Variants in CELF4 observed in about 807,000 individuals in gnomAD.
CELF4 encodes the protein CUG-BP- and ETR-3-like factor 4.
Under a neutral mutation model 59.9 loss-of-function variants are expected in CELF4, and 18 were observed. That is an observed-to-expected ratio of 0.30 (90% confidence interval 0.21 to 0.45). The LOEUF is 0.45. CELF4 is among the 20% of genes least tolerant of loss of function. The pLI, the probability that CELF4 is intolerant of heterozygous loss-of-function variation, is 1.00. For missense variants in CELF4, 456 were observed against 689.0 expected (o/e 0.66, Z 3.79); for synonymous variants, 261 against 267.1 (o/e 0.98, Z 0.22).
At chr18:37,273,852 A>G (rs2092409466) in intron 6 of CELF4, 1 of 995,894 alleles carries the variant, frequency 1.0e-6, no homozygotes, top group Admixed American at 6.0e-5. Context: ...GCCTGAGGGG[A>G]TATCAGAAGT....
intron 2 of CELF4, among the ~76,000 whole-genome samples, chr18:37,351,002 G>A (rs1289278192): frequency 2.0e-5 from 3 of 152,298 alleles, no homozygotes; most frequent in East Asian, 1.9e-4. Flanking sequence ...TCTCCCTGTC[G>A]GTCACATCCC....
At chr18:37,393,761 C>T (rs967981995) in intron 2 of CELF4, among the ~76,000 whole-genome samples, 2 of 142,592 alleles carry the variant, frequency 1.4e-5, no homozygotes, top group Non-Finnish European at 3.2e-5. Flanking sequence ...ACTAACAACC[C>T]ATCCCCAATC....
chr18:37,369,323 C>G (rs1211018903), intron 2 of CELF4, among the ~76,000 whole-genome samples: 1 of 152,162 alleles, frequency 6.6e-6, no homozygotes, highest in African/African-American at 2.4e-5. Flanking sequence ...GTCATTGCCT[C>G]CAGGTGCCTC....
chr18:37,493,035 T>C lies in CELF4; in HGVS notation c.287-7428A>G, dbSNP rs1221522331. 2.0e-5 allele frequency among the ~76,000 whole-genome samples: 3 copies of C among 152,180 alleles called. No homozygotes were observed. In the East Asian group the frequency reaches 5.8e-4, roughly 29 times the overall value. ...ATTTCCACCTGGATCTTCTTCCCTC[T>C]CTCTTCCCACTCCTCCAAGTACTCC... On this transcript the variant is annotated intron_variant, in intron 1 of 12. Coordinates refer to ENST00000420428, the MANE Select transcript of CELF4 (RefSeq NM_020180.4).
At chr18:37,312,137 A>AAAAAGAAAAG (rs2096691398) in intron 3 of CELF4, among the ~76,000 whole-genome samples, 3 of 141,314 alleles carry the variant, frequency 2.1e-5, no homozygotes, top group African/African-American at 2.6e-5. Context: ...AAAAGAAAAA[A>AAAAAGAAAAG]AAAAAAAGAA....
At chr18:37,422,884 C>T (rs1426454115) in intron 2 of CELF4, among the ~76,000 whole-genome samples, 1 of 152,206 alleles carries the variant, frequency 6.6e-6, no homozygotes, top group Non-Finnish European at 1.5e-5. Flanking sequence ...ATGAATGCTT[C>T]TCGCTTCTGC....
chr18:37,442,561 C>T (rs897460787), intron 2 of CELF4, among the ~76,000 whole-genome samples: 5 of 152,192 alleles, frequency 3.3e-5, no homozygotes, highest in Admixed American at 3.3e-4. Flanking sequence ...CATGCTACTG[C>T]TGAAGGGGGC....
At chr18:37,257,899 A>G (rs1002631773) in intron 11 of CELF4, among the ~76,000 whole-genome samples, 1 of 152,168 alleles carries the variant, frequency 6.6e-6, no homozygotes, top group Non-Finnish European at 1.5e-5. Flanking sequence ...GAGGGCAACA[A>G]GGAGGAGTGG....
intron 1 of CELF4, among the ~76,000 whole-genome samples, chr18:37,532,299 T>C (rs535610614): frequency 8.4e-4 from 128 of 152,344 alleles, no homozygotes; most frequent in Middle Eastern, 6.8e-3. Flanking sequence ...GCACTTTGAA[T>C]GCGTGTTCCT....
chr18:37,377,912 G>T (rs1422723066), intron 2 of CELF4, among the ~76,000 whole-genome samples: 1 of 152,124 alleles, frequency 6.6e-6, no homozygotes, highest in Non-Finnish European at 1.5e-5. Context: ...GGACTAGGGG[G>T]AACAGGAGAG....
At chr18:37,472,389 C>A (rs2099835741) in intron 2 of CELF4, among the ~76,000 whole-genome samples, 1 of 152,246 alleles carries the variant, frequency 6.6e-6, no homozygotes, top group African/African-American at 2.4e-5. Context: ...GCCCTCCAGA[C>A]CTGGGCAGCC....
chr18:37,501,889 C>T (rs542862044), intron 1 of CELF4, among the ~76,000 whole-genome samples: 1 of 152,338 alleles, frequency 6.6e-6, no homozygotes, highest in African/African-American at 2.4e-5. Context: ...CCATTCCTCT[C>T]TTTCTCTCTC....
chr18:37,305,990 C>A (rs1406909946), intron 3 of CELF4: 1 of 152,254 alleles, frequency 6.6e-6, no homozygotes. Context: ...TATGGGGCAC[C>A]CACTCTGCTT....
At chr18:37,301,571 C>T (rs1254220382) in intron 3 of CELF4, among the ~76,000 whole-genome samples, 3 of 152,150 alleles carry the variant, frequency 2.0e-5, no homozygotes, top group Non-Finnish European at 4.4e-5. Flanking sequence ...GTGTTTCCTC[C>T]CAGCTCAGCC....
intron 2 of CELF4, among the ~76,000 whole-genome samples, chr18:37,439,397 G>A (rs1569569418): frequency 1.3e-5 from 2 of 152,166 alleles, no homozygotes; most frequent in Non-Finnish European, 2.9e-5. Flanking sequence ...GATCATGTGT[G>A]TGCATGTATG....
chr18:37,266,259 C>T (rs1309963188), intron 9 of CELF4: 7 of 563,640 alleles, frequency 1.2e-5, no homozygotes, highest in Middle Eastern at 4.8e-4. Flanking sequence ...GAAATCTGGC[C>T]TCAAAGACAG....
Position 37,558,268 on chromosome 18 carries a change from C to T in CELF4, c.286+7088G>A, listed in dbSNP as rs559856419. ...CCTGTGGGTAGGGCTGTGGCTTGGG[C>T]TTTATACCCACCTAGGGCTATGCGG... On this transcript the variant is annotated intron_variant, in intron 1 of 12. Coordinates refer to ENST00000420428, the MANE Select transcript of CELF4 (RefSeq NM_020180.4). Among the ~76,000 whole-genome samples the T allele has an allele frequency of 5.9e-5, 9 of 151,932 alleles. No homozygotes were observed. In the East Asian group the frequency reaches 1.7e-3, roughly 30 times the overall value.
chr18:37,326,728 G>A (rs2097329574), intron 2 of CELF4, among the ~76,000 whole-genome samples: 1 of 152,146 alleles, frequency 6.6e-6, no homozygotes, highest in African/African-American at 2.4e-5. Flanking sequence ...GAGCGAGTGG[G>A]CCTGGCCCAG....
intron 2 of CELF4, among the ~76,000 whole-genome samples, chr18:37,353,811 C>T (rs144561221): frequency 1.0e-4 from 15 of 143,826 alleles, no homozygotes; most frequent in African/African-American, 3.6e-4. Flanking sequence ...GGCTAGAGTG[C>T]AGTGGCGTGA....
Sources: allele counts gnomAD v4.1 joint callset (sites outside exome capture counted in the v4.1 genomes callset), GRCh38; gene constraint gnomAD v4.1.1; transcripts MANE v1.5; gene names NCBI Gene and HGNC (gene_info 2026-07-23, HGNC 2026-07-21).